The following NELL1 variants were observed in gnomAD, a reference collection of about 807,000 sequenced individuals.
NELL1 encodes the protein neural EGFL like 1.
Under a neutral mutation model 107.4 loss-of-function variants are expected in NELL1, and 76 were observed. That is an observed-to-expected ratio of 0.71 (90% CI 0.59 to 0.86). The LOEUF (loss-of-function observed/expected upper bound fraction) is 0.86. NELL1 is among the 40% of genes least tolerant of loss of function. The pLI is 0.00. For missense variants in NELL1, 1,024 were observed against 1,005.5 expected (o/e 1.02, Z -0.25); for synonymous variants, 353 against 341.2 (o/e 1.03, Z -0.38).
chr11:20,758,968 G>A (rs1003421460), intron 2 of NELL1, among the ~76,000 whole-genome samples: 2 of 152,194 alleles, frequency 1.3e-5, no homozygotes, highest in African/African-American at 4.8e-5. Context: ...AGGGAAAGAT[G>A]AGAAGGAACT....
chr11:21,232,159 A>AATATATTTAT (rs1858076123), intron 14 of NELL1, among the ~76,000 whole-genome samples: 1 of 73,208 alleles, frequency 1.4e-5, no homozygotes, highest in Non-Finnish European at 2.8e-5. Context: ...AAAAAAAAAA[A>AATATATTTAT]ATATATATAT....
At chr11:20,697,371 G>A (rs1482085571) in intron 2 of NELL1, among the ~76,000 whole-genome samples, 1 of 149,762 alleles carries the variant, frequency 6.7e-6, no homozygotes, top group African/African-American at 2.5e-5. Flanking sequence ...GAATATGCAT[G>A]AGTGCAAATT....
At chr11:20,786,945 T>C (rs939423969) in intron 3 of NELL1, among the ~76,000 whole-genome samples, 3 of 138,754 alleles carry the variant, frequency 2.2e-5, no homozygotes, top group Admixed American at 7.9e-5. Flanking sequence ...GAGGTGGAGC[T>C]TGCCGTGAGC....
At chr11:20,684,125 G>A (rs1416742448) in intron 2 of NELL1, among the ~76,000 whole-genome samples, 1 of 150,844 alleles carries the variant, frequency 6.6e-6, no homozygotes, top group Non-Finnish European at 1.5e-5. Context: ...ATTTACTAAG[G>A]CCAGGTATGG....
At chr11:20,803,327 T>C (rs1857316532) in intron 3 of NELL1, among the ~76,000 whole-genome samples, 2 of 152,168 alleles carry the variant, frequency 1.3e-5, no homozygotes, top group Non-Finnish European at 2.9e-5. Flanking sequence ...ATCCATTTCT[T>C]CTAGGTGTTC....
At chr11:21,355,974 C>A in intron 14 of NELL1, among the ~76,000 whole-genome samples, 1 of 152,106 alleles carries the variant, frequency 6.6e-6, no homozygotes, top group Admixed American at 6.5e-5. Flanking sequence ...TTGATAATTT[C>A]ATGGCTCACT....
chr11:21,008,108 T>A (rs1852368620), intron 12 of NELL1, among the ~76,000 whole-genome samples: 1 of 152,288 alleles, frequency 6.6e-6, no homozygotes, highest in South Asian at 2.1e-4. Flanking sequence ...TTGGACTCGC[T>A]AGCTCTCATC....
chr11:20,803,546 G>T (rs553910980), intron 3 of NELL1, among the ~76,000 whole-genome samples: 5 of 151,978 alleles, frequency 3.3e-5, no homozygotes, highest in African/African-American at 4.8e-5. Context: ...AATTTCATTG[G>T]TTTCTGCTCT....
At position 21,001,179 on chromosome 11, in the gene NELL1, A is replaced by G. The variant is rs7130743; in HGVS notation, c.1300+40619A>G. The stretch of plus-strand genomic sequence containing the variant: ...TCCCATCATTATTATTATTGTATTT[A>G]TTATTATCCTGTGGTAAGAACTCCT... On this transcript the variant is annotated intron_variant, in intron 12 of 19. Coordinates refer to ENST00000357134, the MANE Select transcript of NELL1 (RefSeq NM_006157.5). Among the ~76,000 whole-genome samples, 1,064 of 152,234 alleles carry G rather than the reference A, an allele frequency of 7.0e-3. 13 individuals are homozygous for G. The highest frequency in any genetic ancestry group is 0.024 in the African/African-American group (1,003 of 41,540).
intron 15 of NELL1, among the ~76,000 whole-genome samples, chr11:21,533,629 C>A (rs1372014916): frequency 6.6e-6 from 1 of 152,028 alleles, no homozygotes; most frequent in African/African-American, 2.4e-5. Flanking sequence ...TCTAAAAAGC[C>A]AGAGCCTAGA....
intron 15 of NELL1, among the ~76,000 whole-genome samples, chr11:21,484,086 A>C (rs190531451): frequency 1.2e-3 from 169 of 144,836 alleles, no homozygotes; most frequent in Non-Finnish European, 1.7e-3. Flanking sequence ...CAGCGTTAAT[A>C]GTGGTTGTCT....
rs55720144 is a variant in NELL1, at chr11:21,336,674, T to TATATATATACACACAC, written c.1550-34178_1550-34177insTATATATACACACACA. Among the ~76,000 whole-genome samples, 13 of 130,536 alleles carry TATATATATACACACAC rather than the reference T, an allele frequency of 1.0e-4. No homozygotes were observed. The Admixed American group carries it at 1.0e-3, about 11-fold the overall frequency. The allele number at this position is 130,536 out of a possible 152,430, so 85.6% of individuals were successfully genotyped here. A position where few individuals can be genotyped will look rare whatever the true frequency, so the allele number is the denominator to read the frequency against. ...GTGTATATATATATATATATATATATACACACACACACACACATTAAACAG... is the reference window on the plus strand; with the variant it reads ...GTGTATATATATATATATATATATATATATATATACACACACACACACACACACACACATTAAACAG... On this transcript the variant is annotated intron_variant, in intron 14 of 19. Transcript: ENST00000357134.
chr11:21,571,052 T>A, intron 18 of NELL1, 112 bp downstream of exon 18: 1 of 866,126 alleles, frequency 1.2e-6, no homozygotes, highest in Non-Finnish European at 1.8e-6. Flanking sequence ...CAGGGAGCTC[T>A]GTGGGGCCTG....
chr11:20,851,285 A>C (rs567580762), intron 4 of NELL1, among the ~76,000 whole-genome samples: 1 of 152,336 alleles, frequency 6.6e-6, no homozygotes, highest in Admixed American at 6.5e-5. Flanking sequence ...ACGCTATTTT[A>C]GTTGGTAGTT....
chr11:20,985,177 C>A (rs897283899), intron 12 of NELL1, among the ~76,000 whole-genome samples: 1 of 152,012 alleles, frequency 6.6e-6, no homozygotes, highest in Non-Finnish European at 1.5e-5. Context: ...GTAGAAAATT[C>A]ATTTCTACTA....
chr11:21,141,887 C>A (rs1247104712), intron 13 of NELL1, among the ~76,000 whole-genome samples: 1 of 152,028 alleles, frequency 6.6e-6, no homozygotes, highest in Non-Finnish European at 1.5e-5. Flanking sequence ...CCTAAGCCTC[C>A]GGAGTAGCTG....
At chr11:20,721,234 TTA>T (rs140608526) in intron 2 of NELL1, among the ~76,000 whole-genome samples, 75 of 138,852 alleles carry the variant, frequency 5.4e-4, no homozygotes, top group African/African-American at 1.9e-3. Flanking sequence ...TATATTTTGT[TTA>T]TATATATATA....
intron 12 of NELL1, among the ~76,000 whole-genome samples, chr11:21,090,786 T>A (rs1854502997): frequency 1.3e-5 from 2 of 152,176 alleles, no homozygotes; most frequent in African/African-American, 4.8e-5. Flanking sequence ...GGGAGGCAAA[T>A]GAGAGCTTTA....
intron 14 of NELL1, among the ~76,000 whole-genome samples, chr11:21,274,910 G>A (rs1274849509): frequency 6.6e-6 from 1 of 152,106 alleles, no homozygotes; most frequent in African/African-American, 2.4e-5. Flanking sequence ...GTTTGGAGAG[G>A]GAAATTTATA....
Sources: gnomAD v4.1 joint callset for allele counts (sites outside exome capture counted in the v4.1 genomes callset) on GRCh38, gnomAD v4.1.1 for gene constraint, MANE v1.5 for transcripts, NCBI Gene and HGNC (gene_info 2026-07-23, HGNC 2026-07-21) for gene names.